VPS13A: variants seen among roughly 807,000 people sequenced by gnomAD.
VPS13A encodes the protein intermembrane lipid transfer protein VPS13A.
In VPS13A, 264 loss-of-function variants were observed where a neutral mutation model predicts 390.9. That is an observed-to-expected ratio of 0.68 (90% CI 0.61 to 0.75). The LOEUF is 0.75. VPS13A is among the 30% of genes least tolerant of loss of function. VPS13A has a pLI of 0.00. For missense variants in VPS13A, 3,409 were observed against 3,733.9 expected (o/e 0.91, Z 2.27); for synonymous variants, 1,231 against 1,227.1 (o/e 1.00, Z -0.07).
intron 68 of VPS13A, among the ~76,000 whole-genome samples, chr9:77,395,274 GT>G (rs2131635330): frequency 6.6e-6 from 1 of 152,192 alleles, no homozygotes; most frequent in African/African-American, 2.4e-5. Flanking sequence ...CAATATTGTT[GT>G]TTCTCACGTA....
At chr9:77,315,817 T>A (rs1829349956) in intron 38 of VPS13A, among the ~76,000 whole-genome samples, 1 of 152,140 alleles carries the variant, frequency 6.6e-6, no homozygotes, top group African/African-American at 2.4e-5. Context: ...TATTTCAATT[T>A]AAAGCACTCA....
At chr9:77,301,948 C>T (rs934475005) in intron 33 of VPS13A, among the ~76,000 whole-genome samples, 1 of 147,030 alleles carries the variant, frequency 6.8e-6, no homozygotes, top group Non-Finnish European at 1.5e-5. Context: ...TTACAAATTA[C>T]ATAGAGATAT....
intron 67 of VPS13A, among the ~76,000 whole-genome samples, chr9:77,373,747 G>A (rs1212443514): frequency 1.3e-5 from 2 of 150,794 alleles, no homozygotes; most frequent in African/African-American, 4.9e-5. Context: ...TCTGACAAAG[G>A]GCTAATATCC....
At position 77,344,183 on chromosome 9, in the gene VPS13A, A is replaced by G. The variant is rs534152924; in HGVS notation, c.7057A>G (p.Ser2353Gly). Residue 2353 changes from serine to glycine, a missense_variant, in exon 51 of 72, where the codon AGT becomes GGT. Coordinates refer to ENST00000360280, the MANE Select transcript of VPS13A (RefSeq NM_033305.3). ...CIPFWPEYAS[S>G]KLLIQVERSE... ...CCCCTTTTGGCCTGAGTATGCTTCT[A>G]GTAAACTTCTTATTCAAGTCGAAAG... 1.9e-6 allele frequency: 3 copies of G among 1,610,506 alleles called. No homozygotes were observed. The highest frequency in any genetic ancestry group is 3.3e-5 in the Admixed American group (2 of 60,008).
At chr9:77,409,821 G>T (rs1229091707) in intron 71 of VPS13A, among the ~76,000 whole-genome samples, 1 of 151,320 alleles carries the variant, frequency 6.6e-6, no homozygotes, top group Non-Finnish European at 1.5e-5. Context: ...ACGTCTGATT[G>T]TCATACCTGA....
intron 31 of VPS13A, among the ~76,000 whole-genome samples, chr9:77,284,454 T>A (rs1421966707): frequency 2.6e-5 from 4 of 152,190 alleles, no homozygotes; most frequent in African/African-American, 9.6e-5. Flanking sequence ...AGAAAAACAG[T>A]TCCAACATCA....
At position 77,359,220 on chromosome 9, in the gene VPS13A, G is replaced by A. The variant is rs1414850302; in HGVS notation, c.8036-113G>A. On this transcript the variant is annotated intron_variant, in intron 57 of 71. Coordinates refer to ENST00000360280, the MANE Select transcript of VPS13A (RefSeq NM_033305.3). ...TTTGCCAATATCAGTAATTTTAACT[G>A]ATATTTATTATTTAGTAAATGATTT... The A allele has an allele frequency of 1.0e-5, 9 of 882,750 alleles. No homozygotes were observed. The Admixed American group carries it at 1.8e-4, about 17-fold the overall frequency. 54.7% of individuals were successfully genotyped at this position (882,750 alleles called of 1,614,324 possible).
At chr9:77,400,481 T>A (rs1834332259) in intron 68 of VPS13A, among the ~76,000 whole-genome samples, 1 of 152,118 alleles carries the variant, frequency 6.6e-6, no homozygotes, top group Non-Finnish European at 1.5e-5. Flanking sequence ...CTTAACAATT[T>A]TTTATGTTGT....
chr9:77,370,183 G>A (rs1050795660), intron 63 of VPS13A, 74 bp from the exon 64 acceptor site: 14 of 1,527,252 alleles, frequency 9.2e-6, no homozygotes, highest in African/African-American at 5.5e-5. Flanking sequence ...CTCTTTCGTC[G>A]TATATATCCG....
At chr9:77,262,892 A>G (rs1021494062) in intron 23 of VPS13A, among the ~76,000 whole-genome samples, 1 of 152,172 alleles carries the variant, frequency 6.6e-6, no homozygotes, top group Non-Finnish European at 1.5e-5. Context: ...TGCATTGAAC[A>G]TACATGTGCA....
intron 19 of VPS13A, among the ~76,000 whole-genome samples, chr9:77,238,711 C>T (rs1455274946): frequency 2.6e-5 from 4 of 152,066 alleles, no homozygotes; most frequent in Non-Finnish European, 5.9e-5. Flanking sequence ...ATATATCAGC[C>T]TCAGGGAAAA....
intron 24 of VPS13A, 63 bp from the exon 25 acceptor site, chr9:77,275,435 A>AT: frequency 6.7e-7 from 1 of 1,493,902 alleles, no homozygotes; most frequent in Admixed American, 1.7e-5. Context: ...ATTTATTTCT[A>AT]TTGAAATACT....
intron 34 of VPS13A, among the ~76,000 whole-genome samples, chr9:77,306,910 ATTTTTTT>A (rs199833366): frequency 2.3e-5 from 3 of 129,872 alleles, no homozygotes; most frequent in African/African-American, 5.7e-5. Context: ...TTGGCTCTTT[ATTTTTTT>A]TTTTTTTTTT....
chr9:77,211,043 A>G (rs1361157761), intron 7 of VPS13A, among the ~76,000 whole-genome samples: 1 of 152,204 alleles, frequency 6.6e-6, no homozygotes, highest in Non-Finnish European at 1.5e-5. Context: ...TATCATTATT[A>G]ATATTGTAGC....
chr9:77,336,802 C>CTTTTTTTTTTTT (rs1221241397), intron 46 of VPS13A, among the ~76,000 whole-genome samples: 8 of 107,956 alleles, frequency 7.4e-5, no homozygotes, highest in East Asian at 2.8e-4. Context: ...ATTTATCTAT[C>CTTTTTTTTTTTT]TTTTTTTTTT....
intron 1 of VPS13A, among the ~76,000 whole-genome samples, chr9:77,191,297 T>C (rs1229871807): frequency 2.1e-5 from 3 of 145,240 alleles, no homozygotes; most frequent in Non-Finnish European, 3.0e-5. Flanking sequence ...TTCTTCTTCT[T>C]TTTTTTTTTT....
In VPS13A at chr9:77,315,314, G is replaced by A. The variant is rs762812753; in HGVS notation, c.4474G>A (p.Val1492Ile). 4.3e-6 allele frequency: 7 copies of A among 1,613,962 alleles called. No individual in the cohort carries two copies. Among genetic ancestry groups the A allele is most frequent in the Non-Finnish European group, 5.1e-6 (6 of 1,179,852 alleles). The change falls in exon 38 of 72, where the codon GTC becomes ATC. Residue 1492 changes from valine (V) to isoleucine (I), a missense_variant. This residue lies in a region of VPS13A where 2,717 missense variants were observed against 2,917.4 expected (regional missense o/e 0.93). Coordinates refer to ENST00000360280, the MANE Select transcript of VPS13A (RefSeq NM_033305.3). ...KDMMDIKYRK[V>I]RDGCVTDAVF... ...CATGATGGATATAAAGTACAGGAAAGTCAGAGATGGTTGTGTGACTGATGC... is the reference window on the plus strand; with the variant it reads ...CATGATGGATATAAAGTACAGGAAAATCAGAGATGGTTGTGTGACTGATGC...
At position 77,314,529 on chromosome 9, in the gene VPS13A, A is replaced by G; in HGVS notation, c.4277A>G (p.Lys1426Arg). 5.0e-6 allele frequency: 8 copies of G among 1,612,436 alleles called. No homozygotes were observed. Among genetic ancestry groups the G allele is most frequent in the Non-Finnish European group, 6.8e-6 (8 of 1,179,394 alleles). The change falls in exon 37 of 72, where the codon AAA (lysine) becomes AGA (arginine). Residue 1426 changes from lysine (K) to arginine (R), a missense_variant. Lys to Arg is a conservative substitution (Grantham distance 26). Coordinates refer to ENST00000360280, the MANE Select transcript of VPS13A (RefSeq NM_033305.3). ...ACAGATGTTCGTGATCCTTCTCTGA[A>G]ACTTGCTGAATTTAAATTGGAGAAT... ...SFTDVRDPSL[K>R]LAEFKLENII...
chr9:77,234,096 G>T (rs1823994287), intron 17 of VPS13A, among the ~76,000 whole-genome samples: 1 of 152,048 alleles, frequency 6.6e-6, no homozygotes, highest in Non-Finnish European at 1.5e-5. Flanking sequence ...TTGTATCTTT[G>T]ATGAATTGAG....
Sources: gnomAD v4.1 joint callset for allele counts (sites outside exome capture counted in the v4.1 genomes callset) on GRCh38, gnomAD v4.1.1 for gene constraint, gnomAD v4.1.1 regional missense constraint, MANE v1.5 for transcripts, NCBI Gene and HGNC (gene_info 2026-07-23, HGNC 2026-07-21) for gene names.